TAOK1: variants seen among roughly 807,000 people sequenced by gnomAD.
TAOK1 encodes the protein serine/threonine-protein kinase TAO1.
In TAOK1, 21 loss-of-function variants were observed where a neutral mutation model predicts 138.3. The ratio of observed to expected loss-of-function variants is 0.15; its 90% CI spans 0.11 to 0.22. The LOEUF (loss-of-function observed/expected upper bound fraction) is 0.22, where lower values mean the gene tolerates loss of function less well. Ranked by LOEUF, TAOK1 falls within the 10% of genes least tolerant of loss-of-function variation. The probability of loss-of-function intolerance (pLI) is 1.00; values close to 1 mark genes in which losing one functional copy is unlikely to be tolerated. For missense variants in TAOK1, 651 were observed against 1,227.7 expected (o/e 0.53, Z 7.02); for synonymous variants, 361 against 398.4 (o/e 0.91, Z 1.12).
intron 11 of TAOK1, 42 bp downstream of exon 11, chr17:29,495,769 T>C: frequency 6.8e-7 from 1 of 1,462,272 alleles, no homozygotes; most frequent in Non-Finnish European, 9.1e-7. Context: ...ATTTTCACTT[T>C]TGGTTTCTTT....
At position 29,475,712 on chromosome 17, in the gene TAOK1, A is replaced by G. The variant is rs2030928353; in HGVS notation, c.247A>G (p.Ile83Val). ...TAAGGAAGTCAAGTTTCTACAAAGA[A>G]TAAAACATCCCAACAGTATAGAATA... ...IIKEVKFLQR[I>V]KHPNSIEYKG... Residue 83 changes from isoleucine to valine, a missense_variant, in exon 4 of 20, where the codon ATA (isoleucine) becomes GTA (valine). Physicochemically the swap from Ile to Val is conservative, Grantham distance 29. Around this residue, in one of 8 missense-constraint regions of TAOK1, gnomAD observed 116 missense variants for 213.9 expected, o/e 0.54. Transcript: ENST00000261716. The G allele has an allele frequency of 6.2e-7, 1 of 1,613,402 alleles. No homozygotes were observed. The highest frequency in any genetic ancestry group is 8.5e-7 in the Non-Finnish European group (1 of 1,179,798).
At chr17:29,432,840 A>G (rs6505132) in intron 1 of TAOK1, among the ~76,000 whole-genome samples, 150,964 of 151,942 alleles carry the variant, frequency 0.99, 74,999 homozygotes, top group Middle Eastern at 1. Flanking sequence ...GCTTACTGCA[A>G]CCTTAAACTC....
At chr17:29,511,046 A>T (rs199820247) in intron 15 of TAOK1, 54 bp downstream of exon 15, 4 of 1,503,508 alleles carry the variant, frequency 2.7e-6, no homozygotes, top group Non-Finnish European at 3.6e-6. Flanking sequence ...AATTATATCC[A>T]ATGGTGACCA....
intron 19 of TAOK1, among the ~76,000 whole-genome samples, chr17:29,540,149 G>A (rs2032292369): frequency 6.6e-6 from 1 of 152,172 alleles, no homozygotes; most frequent in South Asian, 2.1e-4. Flanking sequence ...GGAGTAAGAA[G>A]AGTTTGAAAA....
At chr17:29,519,383 G>T (rs1165907933) in intron 16 of TAOK1, among the ~76,000 whole-genome samples, 1 of 151,994 alleles carries the variant, frequency 6.6e-6, no homozygotes, top group Non-Finnish European at 1.5e-5. Flanking sequence ...GCCGGACGAG[G>T]TGGCGGGCGC....
At chr17:29,528,812 C>A (rs2032054700) in intron 17 of TAOK1, among the ~76,000 whole-genome samples, 1 of 126,822 alleles carries the variant, frequency 7.9e-6, no homozygotes, top group African/African-American at 3.0e-5. Flanking sequence ...TGCACTCCAG[C>A]CTGAGCAACA....
rs1470341530 is a variant in TAOK1 at position 29,548,886 on chromosome 17, A to G, written c.*5864A>G. The G allele has an allele frequency of 6.6e-6, 1 of 152,144 alleles. No homozygotes were observed. Among genetic ancestry groups the G allele is most frequent in the Non-Finnish European group, 1.5e-5 (1 of 67,994 alleles). 9.4% of individuals were successfully genotyped at this position (152,144 alleles called of 1,614,324 possible). ...TAGAATTAATACTTAAATGTTAAAC[A>G]GGGGGAAATGAAGCTTAATCATGGT... On this transcript the variant is annotated 3_prime_UTR_variant, in exon 20 of 20. Coordinates refer to ENST00000261716, the MANE Select transcript of TAOK1 (RefSeq NM_020791.4).
At chr17:29,532,903 C>T (rs1237949973) in intron 18 of TAOK1, among the ~76,000 whole-genome samples, 31 of 151,492 alleles carry the variant, frequency 2.0e-4, no homozygotes, top group African/African-American at 6.5e-4. Flanking sequence ...AGGCGCCCCT[C>T]ACCTCCTAGA....
chr17:29,537,555 C>T (rs965476747), intron 19 of TAOK1, among the ~76,000 whole-genome samples: 5 of 149,356 alleles, frequency 3.3e-5, no homozygotes, highest in Admixed American at 1.3e-4. Flanking sequence ...TGGGGTTTCT[C>T]CATGTTGCCC....
At chr17:29,527,422 G>A (rs1484549861) in intron 17 of TAOK1, among the ~76,000 whole-genome samples, 2 of 152,176 alleles carry the variant, frequency 1.3e-5, no homozygotes, top group African/African-American at 4.8e-5. Flanking sequence ...CCATGATCAT[G>A]GCACTGTACT....
At chr17:29,404,803 G>A (rs907038901) in intron 1 of TAOK1, among the ~76,000 whole-genome samples, 1 of 151,926 alleles carries the variant, frequency 6.6e-6, no homozygotes, top group Non-Finnish European at 1.5e-5. Context: ...AAATAAATAG[G>A]TAAGTAAAAA....
intron 1 of TAOK1, among the ~76,000 whole-genome samples, chr17:29,412,421 A>T (rs1020359467): frequency 1.2e-5 from 1 of 83,860 alleles, no homozygotes; most frequent in Non-Finnish European, 2.3e-5. Flanking sequence ...TTTTGGTCTC[A>T]TCTCTTCTTT....
At chr17:29,449,538 C>G (rs2030180509) in intron 1 of TAOK1, among the ~76,000 whole-genome samples, 1 of 151,974 alleles carries the variant, frequency 6.6e-6, no homozygotes, top group South Asian at 2.1e-4. Flanking sequence ...GTTTTTTTCT[C>G]TTAAAAGTCT....
At chr17:29,470,522 A>G (rs928029504) in intron 3 of TAOK1, among the ~76,000 whole-genome samples, 3 of 136,130 alleles carry the variant, frequency 2.2e-5, no homozygotes, top group African/African-American at 8.6e-5. Flanking sequence ...TAAATTATAT[A>G]TCAATAAAAC....
chr17:29,465,752 T>C (rs2030646769), intron 2 of TAOK1, among the ~76,000 whole-genome samples: 1 of 151,748 alleles, frequency 6.6e-6, no homozygotes, highest in Non-Finnish European at 1.5e-5. Flanking sequence ...GCTATTGCCT[T>C]GTACTTTCTT....
At chr17:29,522,183 T>A (rs902600540) in intron 16 of TAOK1, 97 bp from the exon 17 acceptor site, 24 of 1,459,430 alleles carry the variant, frequency 1.6e-5, no homozygotes, top group Non-Finnish European at 2.0e-5. Context: ...ATAACAGGGT[T>A]AATTACATCT....
intron 14 of TAOK1, among the ~76,000 whole-genome samples, chr17:29,509,032 T>A (rs936628084): frequency 1.3e-5 from 2 of 152,192 alleles, no homozygotes; most frequent in African/African-American, 4.8e-5. Flanking sequence ...AAAAAGAACA[T>A]TCTTATAGTA....
intron 10 of TAOK1, 76 bp downstream of exon 10, chr17:29,491,941 A>C: frequency 8.9e-7 from 1 of 1,125,726 alleles, no homozygotes. Flanking sequence ...CTGGAGTGGC[A>C]GTGGCACAAT....
At chr17:29,406,688 A>AC (rs997285097) in intron 1 of TAOK1, among the ~76,000 whole-genome samples, 14 of 151,106 alleles carry the variant, frequency 9.3e-5, no homozygotes, top group East Asian at 7.8e-4. Flanking sequence ...TGCACTACCC[A>AC]CCCCCCCAAC....
Sources: allele counts gnomAD v4.1 joint callset (sites outside exome capture counted in the v4.1 genomes callset), GRCh38; gene constraint gnomAD v4.1.1; regional missense constraint gnomAD v4.1.1; transcripts MANE v1.5; gene names NCBI Gene and HGNC (gene_info 2026-07-23, HGNC 2026-07-21).